The following NSL1 variants were observed in gnomAD, a reference collection of about 807,000 sequenced individuals.
NSL1 encodes NSL1 component of MIS12 kinetochore complex.
NSL1 carries 11 observed loss-of-function variants against 25.4 expected under a neutral mutation model. The observed-to-expected ratio is 0.43, with a 90% CI of 0.27 to 0.72. The LOEUF is 0.72. Ranked by LOEUF, NSL1 falls within the 30% of genes least tolerant of loss-of-function variation. NSL1 has a pLI of 0.19. For synonymous variants in NSL1, 118 were observed against 120.6 expected (o/e 0.98, Z 0.14); for missense variants, 330 against 342.7 (o/e 0.96, Z 0.29).
Position 212,737,457 on chromosome 1 carries a change from A to G in NSL1, c.*951T>C, listed in dbSNP as rs530977636. 1 of 985,166 alleles carries G rather than the reference A, an allele frequency of 1.0e-6. No individual in the cohort carries two copies. The highest frequency in any genetic ancestry group is 1.2e-6 in the Non-Finnish European group (1 of 829,648). The allele number at this position is 985,166 out of a possible 1,614,324, so 61.0% of individuals were successfully genotyped here. The stretch of plus-strand genomic sequence containing the variant: ...GTTGGTAAGTTTGATGGCCCTGCCT[A>G]CACTGTATAATGTAAGACACACAAT... On this transcript the variant is annotated 3_prime_UTR_variant, in exon 6 of 6. Transcript: ENST00000366977.
Position 212,727,532 on chromosome 1 carries a change from A to G in NSL1, c.*10876T>C, listed in dbSNP as rs1277137434. The G allele has an allele frequency of 6.1e-6, 6 of 985,336 alleles. No individual in the cohort carries two copies. Among genetic ancestry groups the G allele is most frequent in the Non-Finnish European group, 7.2e-6 (6 of 829,938 alleles). The allele number at this position is 985,336 out of a possible 1,614,324, so 61.0% of individuals were successfully genotyped here. A position where few individuals can be genotyped will look rare whatever the true frequency, so the allele number is the denominator to read the frequency against. On this transcript the variant is annotated 3_prime_UTR_variant, in exon 6 of 6. Transcript: ENST00000366977. ...ATATCATAACTATACCACTGGAGAGAAAGGACAATGAATTAGACGTGTGCC... is the reference window on the plus strand; with the variant it reads ...ATATCATAACTATACCACTGGAGAGGAAGGACAATGAATTAGACGTGTGCC...
At chr1:212,782,535 G>T in intron 3 of NSL1, 109 bp from the exon 4 acceptor site, 1 of 825,714 alleles carries the variant, frequency 1.2e-6, no homozygotes, top group South Asian at 1.6e-5. Flanking sequence ...TTCTTTTGAG[G>T]AAAAAAAATT....
chr1:212,764,029 C>A (rs966692409), intron 4 of NSL1: 9 of 440,806 alleles, frequency 2.0e-5, no homozygotes, highest in African/African-American at 1.8e-4. Context: ...TATGATGGGC[C>A]ACAAAATAAG....
chr1:212,787,490 C>G, intron 2 of NSL1, 69 bp downstream of exon 2: 1 of 1,110,292 alleles, frequency 9.0e-7, no homozygotes, highest in South Asian at 1.4e-5. Context: ...GATTAAAAAA[C>G]AGCATTCAAA....
In NSL1 at chr1:212,744,480, G is replaced by A. The variant is rs763265187; in HGVS notation, c.500-4879C>T. Among the ~76,000 whole-genome samples, 6 of 151,998 alleles carry A rather than the reference G, an allele frequency of 3.9e-5. No individual in the cohort carries two copies. In the South Asian group the frequency reaches 8.3e-4, roughly 21 times the overall value. ...TTCAACAAAAAATTATGAGGCATGC[G>A]AAAATACAAGAAAGTATGGTCCATT... On this transcript the variant is annotated intron_variant, in intron 4 of 5. Transcript: ENST00000366977.
chr1:212,789,879 C>T (rs1335744181), intron 1 of NSL1, among the ~76,000 whole-genome samples: 5 of 152,172 alleles, frequency 3.3e-5, no homozygotes, highest in African/African-American at 7.2e-5. Flanking sequence ...AAAGTCTTCT[C>T]CCAAAAAACT....
At chr1:212,780,269 G>A (rs1168271267) in intron 4 of NSL1, among the ~76,000 whole-genome samples, 4 of 152,068 alleles carry the variant, frequency 2.6e-5, no homozygotes, top group East Asian at 1.9e-4. Flanking sequence ...TAAGGGTGGT[G>A]CAAGATGTGC....
chr1:212,791,244 G>A (rs961482956), intron 1 of NSL1, among the ~76,000 whole-genome samples: 1 of 152,192 alleles, frequency 6.6e-6, no homozygotes, highest in Admixed American at 6.5e-5. Flanking sequence ...TAAACAAAAT[G>A]TCTTATTTCC....
rs1206094758 is a variant in NSL1, at chr1:212,738,681, C to A, written c.573G>T (p.Leu191Phe). 1 of 1,611,800 alleles carries A rather than the reference C, an allele frequency of 6.2e-7. No individual in the cohort carries two copies. The highest frequency in any genetic ancestry group is 1.7e-5 in the Admixed American group (1 of 59,612). ...AKEISEAMKSLPALIEQGEGF... is the reference protein window; with the variant it reads ...AKEISEAMKSFPALIEQGEGF... Reference sequence around the variant, plus strand: ...CCTCTCCTTGTTCAATTAATGCAGGCAAGGACTTCAAACAAACAAACAGTA... The same window carrying A: ...CCTCTCCTTGTTCAATTAATGCAGGAAAGGACTTCAAACAAACAAACAGTA... Residue 191 changes from leucine (L) to phenylalanine (F), a missense_variant, in exon 6 of 6, where the codon TTG (leucine) becomes TTT (phenylalanine). Physicochemically the swap from Leu to Phe is conservative, Grantham distance 22. Transcript: ENST00000366977.
rs1657902724 is a variant in NSL1 at position 212,729,080 on chromosome 1, G to A, written c.*9328C>T. On this transcript the variant is annotated 3_prime_UTR_variant, in exon 6 of 6. Coordinates refer to ENST00000366977, the MANE Select transcript of NSL1 (RefSeq NM_015471.4). ...GGGCTTACAAGAAAAATAAATTGCAGTAAGTGTTAAAACTTGCCAGTCAAT... is the reference window on the plus strand; with the variant it reads ...GGGCTTACAAGAAAAATAAATTGCAATAAGTGTTAAAACTTGCCAGTCAAT... 1.0e-6 allele frequency: 1 copy of A among 985,404 alleles called. No individual in the cohort carries two copies. Among genetic ancestry groups the A allele is most frequent in the Non-Finnish European group, 1.2e-6 (1 of 829,898 alleles). The allele number at this position is 985,404 out of a possible 1,614,324, so 61.0% of individuals were successfully genotyped here.
intron 4 of NSL1, among the ~76,000 whole-genome samples, chr1:212,745,317 T>G (rs1444569107): frequency 2.6e-5 from 4 of 151,172 alleles, no homozygotes; most frequent in Non-Finnish European, 4.4e-5. Flanking sequence ...ATACATGCAT[T>G]TACACATCCA....
Position 212,737,967 on chromosome 1 carries a change from C to T in NSL1, c.*441G>A, listed in dbSNP as rs1257233230. On this transcript the variant is annotated 3_prime_UTR_variant, in exon 6 of 6. Coordinates refer to ENST00000366977, the MANE Select transcript of NSL1 (RefSeq NM_015471.4). Reference sequence around the variant, plus strand: ...AAAAAACCCTGCATCTGCTGCTGTGCAGAACTGATAATTACTTTTCAGCAT... The same window carrying T: ...AAAAAACCCTGCATCTGCTGCTGTGTAGAACTGATAATTACTTTTCAGCAT... 1.0e-6 allele frequency: 1 copy of T among 986,196 alleles called. No individual in the cohort carries two copies. The highest frequency in any genetic ancestry group is 1.2e-6 in the Non-Finnish European group (1 of 830,958). The allele number at this position is 986,196 out of a possible 1,614,324, so 61.1% of individuals were successfully genotyped here.
intron 1 of NSL1, among the ~76,000 whole-genome samples, chr1:212,788,111 T>C (rs112482993): frequency 0.023 from 3,465 of 152,332 alleles, 61 homozygotes; most frequent in South Asian, 0.042. Flanking sequence ...ATCTAAGATA[T>C]GCTTTAAAAT....
chr1:212,745,755 G>T (rs1253401436), intron 4 of NSL1, among the ~76,000 whole-genome samples: 1 of 152,098 alleles, frequency 6.6e-6, no homozygotes, highest in East Asian at 1.9e-4. Context: ...TTGAGCCCAG[G>T]AGTTTGAGAC....
intron 4 of NSL1, among the ~76,000 whole-genome samples, chr1:212,746,384 G>A (rs1205871552): frequency 6.6e-6 from 1 of 151,748 alleles, no homozygotes; most frequent in Non-Finnish European, 1.5e-5. Flanking sequence ...AATCCCCAAG[G>A]AAACCACTAA....
chr1:212,787,003 A>C (rs1407502094), intron 2 of NSL1, among the ~76,000 whole-genome samples: 10 of 151,868 alleles, frequency 6.6e-5, no homozygotes. Context: ...TCCTCTACCA[A>C]AAATACAAGT....
In NSL1 at chr1:212,736,017, C is replaced by A; in HGVS notation, c.*2391G>T. On this transcript the variant is annotated 3_prime_UTR_variant, in exon 6 of 6. Coordinates refer to ENST00000366977, the MANE Select transcript of NSL1 (RefSeq NM_015471.4). Reference sequence around the variant, plus strand: ...TGACAGTGTTCTCTCTTCTTTGGGACTAGACTTAACCTTCTTGTGTTCTTC... The same window carrying A: ...TGACAGTGTTCTCTCTTCTTTGGGAATAGACTTAACCTTCTTGTGTTCTTC... 1 of 985,390 alleles carries A rather than the reference C, an allele frequency of 1.0e-6. No individual in the cohort carries two copies. The highest frequency in any genetic ancestry group is 4.7e-5 in the South Asian group (1 of 21,284). The allele number at this position is 985,390 out of a possible 1,614,324, so 61.0% of individuals were successfully genotyped here.
rs1350508538 is a variant in NSL1, at chr1:212,784,308, A to G, written c.444+55T>C. 2.4e-6 allele frequency: 3 copies of G among 1,247,544 alleles called. No individual in the cohort carries two copies. The African/African-American group carries it at 4.5e-5, about 19-fold the overall frequency. 77.3% of individuals were successfully genotyped at this position (1,247,544 alleles called of 1,614,324 possible). ...ATCTCCACGTAGAGCCTTATATTTT[A>G]ATGTTTTTATTGTGGTAAAATATAC... is the stretch of plus-strand genomic sequence containing the variant. On this transcript the variant is annotated intron_variant, in intron 3 of 5. Coordinates refer to ENST00000366977, the MANE Select transcript of NSL1 (RefSeq NM_015471.4).
chr1:212,782,235 A>C (rs1660762200), intron 4 of NSL1, 137 bp downstream of exon 4: 1 of 720,354 alleles, frequency 1.4e-6, no homozygotes, highest in African/African-American at 1.8e-5. Context: ...ATGAAATGCT[A>C]AACATGAATG....
Sources: allele counts gnomAD v4.1 joint callset (sites outside exome capture counted in the v4.1 genomes callset), GRCh38; gene constraint gnomAD v4.1.1; transcripts MANE v1.5; gene names NCBI Gene and HGNC (gene_info 2026-07-23, HGNC 2026-07-21).